Variants in PPFIA2 observed in about 807,000 individuals in gnomAD.
PPFIA2 encodes the protein liprin-alpha-2.
A neutral mutation model predicts 175.5 loss-of-function variants in PPFIA2; 46 were observed. The ratio of observed to expected loss-of-function variants is 0.26; its 90% CI spans 0.21 to 0.34. The LOEUF (loss-of-function observed/expected upper bound fraction) is 0.34. Ranked by LOEUF, PPFIA2 falls within the 10% of genes least tolerant of loss-of-function variation. The probability of loss-of-function intolerance (pLI) is 1.00; values close to 1 mark genes in which losing one functional copy is unlikely to be tolerated. For synonymous variants in PPFIA2, 568 were observed against 511.4 expected (o/e 1.11, Z -1.49); for missense variants, 1,179 against 1,506.1 (o/e 0.78, Z 3.60).
At position 81,384,162 on chromosome 12, in the gene PPFIA2, T is replaced by C. The variant is rs771677617; in HGVS notation, c.845A>G (p.Tyr282Cys). The change falls in exon 9 of 33, where the codon TAT becomes TGT. Residue 282 changes from tyrosine to cysteine, a missense_variant. Tyr to Cys is a radical substitution (Grantham distance 194, BLOSUM62 -2). Around this residue, in one of 10 missense-constraint regions of PPFIA2, gnomAD observed 226 missense variants for 216.6 expected, o/e 1.04. Coordinates refer to ENST00000549396, the MANE Select transcript of PPFIA2 (RefSeq NM_003625.5). ...ELQELLEKQN[Y>C]EMAQMKERLA... ...ACGTTCTTTCATCTGGGCCATTTCA[T>C]AGTTTTGCTTTTCAAGCAATTCTTG... is the stretch of plus-strand genomic sequence containing the variant. 2.5e-6 allele frequency: 4 copies of C among 1,612,102 alleles called. No individual in the cohort carries two copies. The highest frequency in any genetic ancestry group is 2.2e-5 in the South Asian group (2 of 90,936).
rs545255078 is a variant in PPFIA2 at position 81,501,619 on chromosome 12, G to T, written c.304-43753C>A. Among the ~76,000 whole-genome samples the T allele has an allele frequency of 1.1e-3, 171 of 151,914 alleles. 1 individual carries two copies. Among genetic ancestry groups the T allele is most frequent in the Non-Finnish European group, 2.2e-3 (149 of 67,960 alleles). ...GTAAATGAATAGACACATCATTATT[G>T]ATTTTTGCAAATGTTTGAGGCATGT... On this transcript the variant is annotated intron_variant, in intron 4 of 32. Transcript: ENST00000549396.
chr12:81,362,856 GA>G, intron 14 of PPFIA2, 72 bp from the exon 15 acceptor site: 1 of 921,880 alleles, frequency 1.1e-6, no homozygotes, highest in South Asian at 1.8e-5. Flanking sequence ...GAGTCTTAAT[GA>G]TTTTTTTTAA....
intron 22 of PPFIA2, among the ~76,000 whole-genome samples, chr12:81,314,797 T>C (rs2051893384): frequency 6.6e-6 from 1 of 151,908 alleles, no homozygotes; most frequent in African/African-American, 2.4e-5. Context: ...CAGACATATT[T>C]TTAAATTAGT....
At position 81,259,242 on chromosome 12, in the gene PPFIA2, AT is replaced by A. The variant is rs2136045566; in HGVS notation, c.*451del. 1 of 270,722 alleles carries A rather than the reference AT, an allele frequency of 3.7e-6. No individual in the cohort carries two copies. The highest frequency in any genetic ancestry group is 3.7e-5 in the South Asian group (1 of 26,688). The allele number at this position is 270,722 out of a possible 1,614,324, so 16.8% of individuals were successfully genotyped here. Reference sequence around the variant, plus strand: ...TGGTAAAATACAAACAGTACTTGGAATTGTCAAATGTTTGCACTCGAGACTC... The same window carrying A: ...TGGTAAAATACAAACAGTACTTGGAATGTCAAATGTTTGCACTCGAGACTC... On this transcript the variant is annotated 3_prime_UTR_variant, in exon 33 of 33. Coordinates refer to ENST00000549396, the MANE Select transcript of PPFIA2 (RefSeq NM_003625.5).
chr12:81,268,451 A>G (rs1247503227), intron 28 of PPFIA2, among the ~76,000 whole-genome samples: 2 of 152,136 alleles, frequency 1.3e-5, no homozygotes, highest in Non-Finnish European at 2.9e-5. Flanking sequence ...TATTTTTCAT[A>G]GTAGAACCAC....
intron 21 of PPFIA2, among the ~76,000 whole-genome samples, chr12:81,335,653 A>G (rs1401507744): frequency 6.6e-6 from 1 of 151,624 alleles, no homozygotes; most frequent in East Asian, 1.9e-4. Flanking sequence ...TTGAGGCAGG[A>G]GAATCATTTG....
intron 7 of PPFIA2, among the ~76,000 whole-genome samples, chr12:81,408,804 G>C (rs1165004013): frequency 2.6e-5 from 4 of 152,154 alleles, no homozygotes; most frequent in Non-Finnish European, 5.9e-5. Context: ...GTTGGCTCTT[G>C]ATACAGAAGA....
intron 11 of PPFIA2, among the ~76,000 whole-genome samples, chr12:81,371,927 AAAC>A (rs749882985): frequency 0.029 from 4,391 of 151,022 alleles, 189 homozygotes; most frequent in Admixed American, 0.12. Context: ...ACACACACAC[AAAC>A]ACACACACAC....
chr12:81,545,782 G>T (rs1274520761), intron 4 of PPFIA2: 1 of 152,122 alleles, frequency 6.6e-6, no homozygotes, highest in Non-Finnish European at 1.5e-5. Flanking sequence ...CACCACAGTG[G>T]TAATCAATCC....
chr12:81,560,218 A>G (rs1307750990), intron 4 of PPFIA2, among the ~76,000 whole-genome samples: 1 of 151,874 alleles, frequency 6.6e-6, no homozygotes, highest in Non-Finnish European at 1.5e-5. Flanking sequence ...GTCTTTAAAA[A>G]AACAGAATTG....
At position 81,432,981 on chromosome 12, in the gene PPFIA2, C is replaced by A. The variant is rs55633151; in HGVS notation, c.645+6991G>T. 2.2e-3 allele frequency among the ~76,000 whole-genome samples: 335 copies of A among 151,306 alleles called. 1 individual carries two copies. The highest frequency in any genetic ancestry group is 4.4e-3 in the Admixed American group (67 of 15,196). On this transcript the variant is annotated intron_variant, in intron 7 of 32. Coordinates refer to ENST00000549396, the MANE Select transcript of PPFIA2 (RefSeq NM_003625.5). Reference sequence around the variant, plus strand: ...AAAAAACAAACATTAACAAAAAAAACCACACAAAAACATACCTTTAATGGT... The same window carrying A: ...AAAAAACAAACATTAACAAAAAAAAACACACAAAAACATACCTTTAATGGT...
At chr12:81,598,550 C>G (rs1000363568) in intron 4 of PPFIA2, among the ~76,000 whole-genome samples, 1 of 151,992 alleles carries the variant, frequency 6.6e-6, no homozygotes. Context: ...TAACAAATTG[C>G]TGTTTTATCA....
intron 22 of PPFIA2, among the ~76,000 whole-genome samples, chr12:81,310,552 T>G (rs989193938): frequency 2.0e-5 from 3 of 152,150 alleles, no homozygotes; most frequent in Admixed American, 6.5e-5. Flanking sequence ...TTAAGTTTTA[T>G]TTCTTGAAAT....
chr12:81,694,531 G>A (rs923586188), intron 3 of PPFIA2, among the ~76,000 whole-genome samples: 7 of 152,184 alleles, frequency 4.6e-5, no homozygotes, highest in Admixed American at 1.3e-4. Context: ...ATGAGGTTTG[G>A]TGCTATCTGC....
intron 4 of PPFIA2, among the ~76,000 whole-genome samples, chr12:81,655,892 A>G (rs1596062318): frequency 1.3e-5 from 2 of 152,064 alleles, no homozygotes; most frequent in South Asian, 2.1e-4. Flanking sequence ...AGGCTTTTCT[A>G]TTCTCCTTTT....
chr12:81,338,842 A>G (rs2057548928), intron 21 of PPFIA2, among the ~76,000 whole-genome samples: 1 of 152,100 alleles, frequency 6.6e-6, no homozygotes, highest in Non-Finnish European at 1.5e-5. Context: ...GCGATTTATG[A>G]AGACATTATT....
intron 17 of PPFIA2, among the ~76,000 whole-genome samples, chr12:81,351,955 A>T (rs554468021): frequency 6.6e-6 from 1 of 152,096 alleles, no homozygotes; most frequent in East Asian, 1.9e-4. Flanking sequence ...CAGAAATGTA[A>T]TTTTTATTAT....
intron 7 of PPFIA2, among the ~76,000 whole-genome samples, chr12:81,422,500 GA>G (rs1592741124): frequency 6.6e-6 from 1 of 152,004 alleles, no homozygotes; most frequent in African/African-American, 2.4e-5. Flanking sequence ...GGTAAAATGT[GA>G]AAAAATGTGG....
chr12:81,415,669 T>C (rs2045093453), intron 7 of PPFIA2, among the ~76,000 whole-genome samples: 2 of 150,484 alleles, frequency 1.3e-5, no homozygotes, highest in African/African-American at 2.4e-5. Flanking sequence ...CTGTTATTTT[T>C]AGTTTTAAGT....
Sources: gnomAD v4.1 joint callset for allele counts (sites outside exome capture counted in the v4.1 genomes callset) on GRCh38, gnomAD v4.1.1 for gene constraint, gnomAD v4.1.1 regional missense constraint, MANE v1.5 for transcripts, NCBI Gene and HGNC (gene_info 2026-07-23, HGNC 2026-07-21) for gene names.